The following ADIPOR1 variants were observed in gnomAD, a reference collection of about 807,000 sequenced individuals.
ADIPOR1 encodes adiponectin receptor 1.
ADIPOR1 carries 15 observed loss-of-function variants against 37.5 expected under a neutral mutation model. That is an observed-to-expected ratio of 0.40 (90% CI 0.27 to 0.62). ADIPOR1 has a LOEUF of 0.62. Among genes scored for constraint, ADIPOR1 ranks in the 20% least tolerant of loss-of-function variants. The pLI is 0.42. For synonymous variants in ADIPOR1, 173 were observed against 173.2 expected, an observed-to-expected ratio of 1.00 and a Z score of 0.01; for missense variants, 286 against 478.0, an observed-to-expected ratio of 0.60 and a Z score of 3.75.
Position 202,942,260 on chromosome 1 carries a change from C to T in ADIPOR1, c.806-42G>A, listed in dbSNP as rs1010129531. ...TAAGACTGTCAAACAAGGAAACAGCCACCGCATGGAAGGCACTGCTGTCTT... is the reference window on the plus strand; with the variant it reads ...TAAGACTGTCAAACAAGGAAACAGCTACCGCATGGAAGGCACTGCTGTCTT... On this transcript the variant is annotated intron_variant, in intron 6 of 7. Coordinates refer to ENST00000340990, the MANE Select transcript of ADIPOR1 (RefSeq NM_015999.6). The T allele has an allele frequency of 2.6e-6, 4 of 1,546,932 alleles. No homozygotes were observed. The African/African-American group carries it at 5.5e-5, about 21-fold the overall frequency.
Position 202,950,918 on chromosome 1 carries a change from A to G in ADIPOR1, c.141+12T>C, listed in dbSNP as rs192361620. The G allele has an allele frequency of 1.2e-6, 2 of 1,614,174 alleles. No homozygotes were observed. The highest frequency in any genetic ancestry group is 1.7e-6 in the Non-Finnish European group (2 of 1,180,014). On this transcript the variant is annotated intron_variant, in intron 2 of 7. Transcript: ENST00000340990. ...ACTGAACAAGGGGATGACTCCTGGG[A>G]AGATGACTTACTTTGGGTGGGTTGG...
chr1:202,941,966 C>A, intron 7 of ADIPOR1, 59 bp downstream of exon 7: 1 of 1,532,432 alleles, frequency 6.5e-7, no homozygotes, highest in Non-Finnish European at 8.8e-7. Context: ...TTCCTCAGCC[C>A]TTTAACTTTG....
Position 202,941,961 on chromosome 1 carries a change from C to T in ADIPOR1, c.999+64G>A, listed in dbSNP as rs1386278144. The stretch of plus-strand genomic sequence containing the variant: ...TCCCAGTCTCATACCACCTTTTCCT[C>T]AGCCCTTTAACTTTGGGCTGTTCAC... On this transcript the variant is annotated intron_variant, in intron 7 of 7. Coordinates refer to ENST00000340990, the MANE Select transcript of ADIPOR1 (RefSeq NM_015999.6). 6 of 1,511,900 alleles carry T rather than the reference C, an allele frequency of 4.0e-6. No individual in the cohort carries two copies. In the African/African-American group the frequency reaches 5.6e-5, roughly 14 times the overall value. 93.7% of individuals were successfully genotyped at this position (1,511,900 alleles called of 1,614,324 possible). A position where few individuals can be genotyped will look rare whatever the true frequency, so the allele number is the denominator to read the frequency against.
At chr1:202,946,316 T>A (rs939300028) in intron 4 of ADIPOR1, 123 bp downstream of exon 4, 1 of 1,185,288 alleles carries the variant, frequency 8.4e-7, no homozygotes, top group African/African-American at 1.5e-5. Flanking sequence ...TAGCTTAAAG[T>A]CATTAGTAGT....
chr1:202,948,189 T>C, intron 3 of ADIPOR1, 115 bp downstream of exon 3: 1 of 844,686 alleles, frequency 1.2e-6, no homozygotes, highest in Non-Finnish European at 1.8e-6. Context: ...AAAAAACAAA[T>C]CCACTCCTTC....
Position 202,942,124 on chromosome 1 carries a change from C to T in ADIPOR1, c.900G>A (p.Met300Ile). ...GFVKATTVGQMGWFFLMAVMY... is the reference protein window; with the variant it reads ...GFVKATTVGQIGWFFLMAVMY... ...TCACAGCCATGAGGAAGAACCAGCC[C>T]ATCTGGCCCACTGTGGTGGCCTTGA... Residue 300 changes from methionine (M) to isoleucine (I), a missense_variant, in exon 7 of 8, where the codon ATG becomes ATA. Coordinates refer to ENST00000340990, the MANE Select transcript of ADIPOR1 (RefSeq NM_015999.6). 1 of 1,614,160 alleles carries T rather than the reference C, an allele frequency of 6.2e-7. No homozygotes were observed. Among genetic ancestry groups the T allele is most frequent in the South Asian group, 1.1e-5 (1 of 91,078 alleles).
intron 2 of ADIPOR1, among the ~76,000 whole-genome samples, chr1:202,949,100 A>G (rs1204448813): frequency 1.3e-5 from 2 of 151,672 alleles, no homozygotes; most frequent in Admixed American, 1.3e-4. Context: ...TACGTTTTCA[A>G]AACAACGAAA....
At chr1:202,944,136 G>C (rs963652215) in intron 5 of ADIPOR1, 191 bp from the exon 6 acceptor site, 2 of 533,844 alleles carry the variant, frequency 3.7e-6, no homozygotes, top group Admixed American at 6.4e-5. Flanking sequence ...TCTATTTTAC[G>C]ATGGAAAAAT....
rs770463342 is a variant in ADIPOR1 at position 202,945,090 on chromosome 1, C to A, written c.510G>T (p.Lys170Asn). ...NMYFMAPLQEKVVFGMFFLGA... is the reference protein window; with the variant it reads ...NMYFMAPLQENVVFGMFFLGA... The stretch of plus-strand genomic sequence containing the variant: ...CCAAAAAGAACATCCCAAAAACCAC[C>A]TTCTCCTGTAGAGGGGCCATGAAGT... Residue 170 changes from lysine (K) to asparagine (N), a missense_variant, in exon 5 of 8, where the codon AAG becomes AAT. Transcript: ENST00000340990. 6.2e-7 allele frequency: 1 copy of A among 1,614,158 alleles called. No individual in the cohort carries two copies. The highest frequency in any genetic ancestry group is 2.2e-5 in the East Asian group (1 of 44,890).
At chr1:202,944,819 G>A (rs757113911) in intron 5 of ADIPOR1, 164 bp downstream of exon 5, 3 of 620,284 alleles carry the variant, frequency 4.8e-6, no homozygotes, top group Non-Finnish European at 8.2e-6. Context: ...GTGTTTAAGA[G>A]AAAAGCTTCA....
intron 3 of ADIPOR1, among the ~76,000 whole-genome samples, chr1:202,947,102 C>G (rs1309740073): frequency 1.3e-5 from 2 of 151,786 alleles, no homozygotes; most frequent in East Asian, 3.9e-4. Context: ...GGCGACCGAG[C>G]AAGACTCTGT....
intron 1 of ADIPOR1, among the ~76,000 whole-genome samples, chr1:202,955,977 T>C (rs1445411664): frequency 6.6e-6 from 1 of 152,192 alleles, no homozygotes; most frequent in Non-Finnish European, 1.5e-5. Context: ...GGTTTTGCCA[T>C]GTTGACCAGG....
In ADIPOR1 at chr1:202,945,055, AGC is replaced by A; in HGVS notation, c.543_544del (p.Cys183ProfsTer79). On this transcript the variant is annotated frameshift_variant, in exon 5 of 8. Transcript: ENST00000340990. LOFTEE classifies it high-confidence loss of function. ...AAAGAGCCAGGAGAAGCTGAGGCAGAGCACTGCACCCAAAAAGAACATCCCAA... is the reference window on the plus strand; with the variant it reads ...AAAGAGCCAGGAGAAGCTGAGGCAGAACTGCACCCAAAAAGAACATCCCAA... The A allele has an allele frequency of 6.2e-7, 1 of 1,614,224 alleles. No homozygotes were observed. The highest frequency in any genetic ancestry group is 8.5e-7 in the Non-Finnish European group (1 of 1,180,034).
Position 202,949,290 on chromosome 1 carries a change from C to T in ADIPOR1, c.142-870G>A, listed in dbSNP as rs528101707. 4.4e-3 allele frequency among the ~76,000 whole-genome samples: 675 copies of T among 151,810 alleles called. 4 individuals carry two copies. Among genetic ancestry groups the T allele is most frequent in the African/African-American group, 0.015 (637 of 41,436 alleles). On this transcript the variant is annotated intron_variant, in intron 2 of 7. Coordinates refer to ENST00000340990, the MANE Select transcript of ADIPOR1 (RefSeq NM_015999.6). ...ACTGACTCCAGGGCCTAAAAAAGCG[C>T]ACCCAGAGGGCCGGGCGCGGTGGCT... is the stretch of plus-strand genomic sequence containing the variant.
chr1:202,943,502 A>G lies in ADIPOR1; in HGVS notation c.805+256T>C, dbSNP rs193196177. Among the ~76,000 whole-genome samples the G allele has an allele frequency of 3.3e-4, 50 of 152,326 alleles. No individual in the cohort carries two copies. In the Middle Eastern group the frequency reaches 0.01, roughly 31 times the overall value. On this transcript the variant is annotated intron_variant, in intron 6 of 7. Coordinates refer to ENST00000340990, the MANE Select transcript of ADIPOR1 (RefSeq NM_015999.6). ...TTTTAAACTGTCACAAACCAAGTAT[A>G]AGAGTAGCTACATCTGTGCTTGCAG...
At position 202,951,164 on chromosome 1, in the gene ADIPOR1, A is replaced by T; in HGVS notation, c.-94T>A. 6.9e-7 allele frequency: 1 copy of T among 1,441,774 alleles called. No individual in the cohort carries two copies. Among genetic ancestry groups the T allele is most frequent in the Non-Finnish European group, 9.6e-7 (1 of 1,046,748 alleles). The allele number at this position is 1,441,774 out of a possible 1,614,324, so 89.3% of individuals were successfully genotyped here. A position where few individuals can be genotyped will look rare whatever the true frequency, so the allele number is the denominator to read the frequency against. On this transcript the variant is annotated splice_region_variant and 5_prime_UTR_variant, in exon 2 of 8. Transcript: ENST00000340990. ...CAGAGATCTCCCTCTGATGGTAGAC[A>T]CTAAAAGAAAATACAAACATGAAGG...
rs754563633 is a variant in ADIPOR1, at chr1:202,943,771, C to A, written c.792G>T (p.Arg264=). ...CTTCCGACCTACCTGCTCTTGTCTG[C>A]CGGTGCTTAGGAGTGGCAAACCGGT... ...QWDRFATPKH[R]QTRAGVFLGL... Residue 264 remains arginine, a synonymous_variant, in exon 6 of 8, where the codon CGG becomes CGT. Coordinates refer to ENST00000340990, the MANE Select transcript of ADIPOR1 (RefSeq NM_015999.6). 6.2e-7 allele frequency: 1 copy of A among 1,613,260 alleles called. No homozygotes were observed. Among genetic ancestry groups the A allele is most frequent in the South Asian group, 1.1e-5 (1 of 91,032 alleles).
At position 202,943,767 on chromosome 1, in the gene ADIPOR1, T is replaced by C. The variant is rs1324701665; in HGVS notation, c.796A>G (p.Thr266Ala). The C allele has an allele frequency of 6.2e-7, 1 of 1,613,270 alleles. No homozygotes were observed. The highest frequency in any genetic ancestry group is 8.5e-7 in the Non-Finnish European group (1 of 1,179,960). Residue 266 changes from threonine (T) to alanine (A), a missense_variant, in exon 6 of 8, where the codon ACA (threonine) becomes GCA (alanine). Coordinates refer to ENST00000340990, the MANE Select transcript of ADIPOR1 (RefSeq NM_015999.6). ...DRFATPKHRQTRAGVFLGLGL... is the reference protein window; with the variant it reads ...DRFATPKHRQARAGVFLGLGL... ...ACATCTTCCGACCTACCTGCTCTTG[T>C]CTGCCGGTGCTTAGGAGTGGCAAAC... is the stretch of plus-strand genomic sequence containing the variant.
intron 2 of ADIPOR1, among the ~76,000 whole-genome samples, chr1:202,949,530 G>A (rs1654475148): frequency 1.4e-5 from 2 of 143,810 alleles, no homozygotes; most frequent in Non-Finnish European, 3.0e-5. Flanking sequence ...GCAGTGAGCC[G>A]AGAACGTGCC....
Sources: gnomAD v4.1 joint callset for allele counts (sites outside exome capture counted in the v4.1 genomes callset) on GRCh38, gnomAD v4.1.1 for gene constraint, MANE v1.5 for transcripts, NCBI Gene and HGNC (gene_info 2026-07-23, HGNC 2026-07-21) for gene names.